ZZZ3: variants seen among roughly 807,000 people sequenced by gnomAD.
ZZZ3 encodes ZZ-type zinc finger-containing protein 3.
ZZZ3 carries 22 observed loss-of-function variants against 95.2 expected under a neutral mutation model. The ratio of observed to expected loss-of-function variants is 0.23; its 90% CI spans 0.17 to 0.33. ZZZ3 has a LOEUF of 0.33. Ranked by LOEUF, ZZZ3 falls within the 10% of genes least tolerant of loss-of-function variation. ZZZ3 has a pLI of 1.00. For synonymous variants in ZZZ3, 335 were observed against 358.9 expected (o/e 0.93, Z 0.75); for missense variants, 885 against 1,066.5 (o/e 0.83, Z 2.37).
chr1:77,630,062 A>C (rs1490391886), intron 5 of ZZZ3, among the ~76,000 whole-genome samples: 2 of 152,264 alleles, frequency 1.3e-5, no homozygotes, highest in Admixed American at 1.3e-4. Flanking sequence ...AACAATAAAA[A>C]GCAAAGAACA....
chr1:77,641,699 G>A (rs554164855), intron 1 of ZZZ3, 44 bp from the exon 2 acceptor site: 19 of 395,560 alleles, frequency 4.8e-5, no homozygotes, highest in African/African-American at 2.1e-4. Flanking sequence ...ATGTGTTACC[G>A]TTTACAAATT....
chr1:77,659,298 GTTTAA>G (rs1198313790), intron 1 of ZZZ3, among the ~76,000 whole-genome samples: 1 of 152,124 alleles, frequency 6.6e-6, no homozygotes, highest in East Asian at 1.9e-4. Context: ...AAAGAAAAAT[GTTTAA>G]TTTAGTTTAA....
intron 5 of ZZZ3, among the ~76,000 whole-genome samples, chr1:77,588,125 C>G (rs918723225): frequency 8.5e-5 from 13 of 152,192 alleles, no homozygotes; most frequent in Admixed American, 7.2e-4. Context: ...TTCAACTACA[C>G]AGGAGGTCTA....
intron 5 of ZZZ3, among the ~76,000 whole-genome samples, chr1:77,630,072 A>C (rs1667660069): frequency 6.6e-6 from 1 of 152,240 alleles, no homozygotes; most frequent in Non-Finnish European, 1.5e-5. Flanking sequence ...AGCAAAGAAC[A>C]GAACTAACAT....
intron 1 of ZZZ3, among the ~76,000 whole-genome samples, chr1:77,646,391 T>C (rs1557759067): frequency 6.6e-6 from 1 of 152,076 alleles, no homozygotes; most frequent in Non-Finnish European, 1.5e-5. Context: ...CAGCTAATTT[T>C]TGTATTTTTT....
intron 4 of ZZZ3, among the ~76,000 whole-genome samples, chr1:77,635,509 G>C (rs1668212811): frequency 6.6e-6 from 1 of 152,190 alleles, no homozygotes; most frequent in African/African-American, 2.4e-5. Context: ...TTATCATGAA[G>C]ATTACAATCT....
chr1:77,574,792 T>C (rs185122107), intron 12 of ZZZ3, among the ~76,000 whole-genome samples: 1 of 152,350 alleles, frequency 6.6e-6, no homozygotes, highest in Non-Finnish European at 1.5e-5. Context: ...TGAAATACAT[T>C]AAATACATTT....
intron 5 of ZZZ3, among the ~76,000 whole-genome samples, chr1:77,603,620 C>A (rs573327968): frequency 6.6e-6 from 1 of 152,234 alleles, no homozygotes; most frequent in Admixed American, 6.5e-5. Context: ...TCCGGGTGCC[C>A]ATTTCCTGTC....
At chr1:77,607,919 C>CAAAAAAAA (rs552924354) in intron 5 of ZZZ3, among the ~76,000 whole-genome samples, 1 of 56,988 alleles carries the variant, frequency 1.8e-5, no homozygotes, top group African/African-American at 7.2e-5. Context: ...GACTCTGTCT[C>CAAAAAAAA]AAAAAAAAAA....
chr1:77,585,747 T>C, intron 5 of ZZZ3, among the ~76,000 whole-genome samples: 1 of 152,216 alleles, frequency 6.6e-6, no homozygotes, highest in East Asian at 1.9e-4. Flanking sequence ...ATAGATATTC[T>C]GCGAATCTTT....
At chr1:77,674,243 A>G (rs961132105) in intron 1 of ZZZ3, among the ~76,000 whole-genome samples, 25 of 152,234 alleles carry the variant, frequency 1.6e-4, no homozygotes, top group Admixed American at 2.0e-4. Context: ...CTCAAGGTAC[A>G]AATCAGGTTG....
At chr1:77,580,814 T>C in intron 9 of ZZZ3, 184 bp downstream of exon 9, 1 of 509,218 alleles carries the variant, frequency 2.0e-6, no homozygotes, top group Non-Finnish European at 3.6e-6. Flanking sequence ...GTATTTTTAG[T>C]AGGGTTTCAC....
At chr1:77,643,425 GTTAC>G (rs1469142536) in intron 1 of ZZZ3, among the ~76,000 whole-genome samples, 4 of 152,084 alleles carry the variant, frequency 2.6e-5, no homozygotes, top group Non-Finnish European at 5.9e-5. Context: ...TTTAACTACA[GTTAC>G]TTACTTCTAG....
At chr1:77,578,070 A>G (rs1246929938) in intron 11 of ZZZ3, among the ~76,000 whole-genome samples, 1 of 152,070 alleles carries the variant, frequency 6.6e-6, no homozygotes, top group East Asian at 1.9e-4. Flanking sequence ...CAACTAGATA[A>G]TTCACTCAAC....
intron 5 of ZZZ3, among the ~76,000 whole-genome samples, chr1:77,614,665 T>C (rs1419985490): frequency 6.6e-6 from 1 of 152,084 alleles, no homozygotes; most frequent in Non-Finnish European, 1.5e-5. Context: ...AAAAAATAAA[T>C]TTTAATAAGT....
chr1:77,574,692 CA>C (rs1661752277), intron 12 of ZZZ3, among the ~76,000 whole-genome samples: 1 of 152,094 alleles, frequency 6.6e-6, no homozygotes, highest in Non-Finnish European at 1.5e-5. Flanking sequence ...AGAGTCTTAT[CA>C]AAAGAACTTA....
chr1:77,599,047 A>G (rs904537137), intron 5 of ZZZ3, among the ~76,000 whole-genome samples: 3 of 152,124 alleles, frequency 2.0e-5, no homozygotes, highest in African/African-American at 7.2e-5. Flanking sequence ...AGTTCCTTCA[A>G]TTTAGTAATG....
chr1:77,626,933 T>C (rs1667393069), intron 5 of ZZZ3, among the ~76,000 whole-genome samples: 1 of 152,198 alleles, frequency 6.6e-6, no homozygotes, highest in South Asian at 2.1e-4. Context: ...ATGAAAGTAT[T>C]TCATTCAATA....
chr1:77,568,879 C>A (rs941057787), intron 12 of ZZZ3, among the ~76,000 whole-genome samples: 4 of 152,170 alleles, frequency 2.6e-5, no homozygotes, highest in Non-Finnish European at 4.4e-5. Flanking sequence ...GTAAACATGA[C>A]ACTTTCTTAA....
Sources: gnomAD v4.1 joint callset for allele counts (sites outside exome capture counted in the v4.1 genomes callset) on GRCh38, gnomAD v4.1.1 for gene constraint, MANE v1.5 for transcripts, NCBI Gene and HGNC (gene_info 2026-07-23, HGNC 2026-07-21) for gene names.